The following MSRA variants were observed in gnomAD, a reference collection of about 807,000 sequenced individuals.
The protein encoded by MSRA is methionine sulfoxide reductase A.
MSRA carries 54 observed loss-of-function variants against 31.3 expected under a neutral mutation model. The observed-to-expected ratio is 1.73, with a 90% CI of 1.39 to 2.17. The LOEUF (loss-of-function observed/expected upper bound fraction) is 2.17. Among genes scored for constraint, MSRA ranks in the 30% most tolerant of loss-of-function variants. The pLI, the probability that MSRA is intolerant of heterozygous loss-of-function variation, is 0.00. For missense variants in MSRA, 507 were observed against 300.9 expected, an observed-to-expected ratio of 1.69 and a Z score of -5.07; for synonymous variants, 169 against 116.5, an observed-to-expected ratio of 1.45 and a Z score of -2.90.
chr8:10,179,145 GACA>G (rs1471719982), intron 1 of MSRA, among the ~76,000 whole-genome samples: 3 of 152,148 alleles, frequency 2.0e-5, no homozygotes, highest in South Asian at 4.1e-4. Context: ...CATCCCACAG[GACA>G]ACATTATCTT....
At chr8:10,174,996 T>G (rs900213395) in intron 1 of MSRA, among the ~76,000 whole-genome samples, 1 of 152,150 alleles carries the variant, frequency 6.6e-6, no homozygotes, top group South Asian at 2.1e-4. Context: ...TGAACTTAAT[T>G]CCTATAGCCC....
At chr8:10,156,429 G>A (rs1009138700) in intron 1 of MSRA, among the ~76,000 whole-genome samples, 2 of 151,660 alleles carry the variant, frequency 1.3e-5, no homozygotes, top group African/African-American at 4.9e-5. Context: ...TAAAAGGAAA[G>A]CATGTGTGTG....
At chr8:10,090,933 C>CA (rs1419272429) in intron 1 of MSRA, among the ~76,000 whole-genome samples, 1 of 152,222 alleles carries the variant, frequency 6.6e-6, no homozygotes, top group Non-Finnish European at 1.5e-5. Flanking sequence ...CGTTCATCAG[C>CA]TGCTGAACAT....
intron 5 of MSRA, among the ~76,000 whole-genome samples, chr8:10,335,250 G>GTTTTTTTTTTTTTTTTTTTTT (rs1170264568): frequency 2.5e-5 from 2 of 79,880 alleles, no homozygotes; most frequent in African/African-American, 5.4e-5. Flanking sequence ...TCCCAGCTCT[G>GTTTTTTTTTTTTTTTTTTTTT]TTTTTTTTTT....
At chr8:10,338,406 A>G (rs1327850005) in intron 5 of MSRA, among the ~76,000 whole-genome samples, 1 of 152,130 alleles carries the variant, frequency 6.6e-6, no homozygotes, top group African/African-American at 2.4e-5. Context: ...CACAGGAGGA[A>G]TAGGGTTTGA....
chr8:10,274,488 G>A (rs1469091230), intron 3 of MSRA, among the ~76,000 whole-genome samples: 16 of 152,114 alleles, frequency 1.1e-4, no homozygotes, highest in Admixed American at 1.0e-3. Flanking sequence ...GTCATTTTGC[G>A]GAAGTTCAGC....
chr8:10,282,140 C>T (rs2975641), intron 3 of MSRA, among the ~76,000 whole-genome samples: 55,545 of 151,930 alleles, frequency 0.37, 10,506 homozygotes, highest in Admixed American at 0.43. Context: ...ATTTATAATT[C>T]GTACTAATCA....
At chr8:10,333,814 C>G (rs1351729436) in intron 5 of MSRA, among the ~76,000 whole-genome samples, 2 of 152,072 alleles carry the variant, frequency 1.3e-5, no homozygotes, top group East Asian at 1.9e-4. Flanking sequence ...ACCCCACCCC[C>G]CCCACGCTGA....
At chr8:10,337,459 G>C (rs929797600) in intron 5 of MSRA, 13 of 453,506 alleles carry the variant, frequency 2.9e-5, no homozygotes, top group Non-Finnish European at 3.6e-5. Context: ...GATTACAGGC[G>C]TGAGCCACCA....
chr8:10,279,219 G>C (rs1278570089), intron 3 of MSRA, among the ~76,000 whole-genome samples: 3 of 152,180 alleles, frequency 2.0e-5, no homozygotes, highest in Non-Finnish European at 4.4e-5. Context: ...GATGATTAAA[G>C]CGTGCATTGC....
chr8:10,169,952 G>C lies in MSRA; in HGVS notation c.143-37881G>C, dbSNP rs1186982391. Among the ~76,000 whole-genome samples the C allele has an allele frequency of 8.2e-5, 10 of 121,256 alleles. No individual in the cohort carries two copies. The East Asian group carries it at 2.2e-3, about 26-fold the overall frequency. The allele number at this position is 121,256 out of a possible 152,430, so 79.5% of individuals were successfully genotyped here. ...TTTTTTGAGACGGAGTTTCACTCTTGTCACCCAGGCTAGAGTACAGTGACG... is the reference window on the plus strand; with the variant it reads ...TTTTTTGAGACGGAGTTTCACTCTTCTCACCCAGGCTAGAGTACAGTGACG... On this transcript the variant is annotated intron_variant, in intron 1 of 5. Transcript: ENST00000317173.
At chr8:10,366,976 G>A (rs1012108805) in intron 5 of MSRA, among the ~76,000 whole-genome samples, 1 of 152,144 alleles carries the variant, frequency 6.6e-6, no homozygotes, top group Non-Finnish European at 1.5e-5. Flanking sequence ...CTTATCCGCC[G>A]TTTCGCTTTC....
At chr8:10,080,264 C>A (rs1048077425) in intron 1 of MSRA, among the ~76,000 whole-genome samples, 1 of 151,990 alleles carries the variant, frequency 6.6e-6, no homozygotes, top group Non-Finnish European at 1.5e-5. Context: ...ACTTTATCCC[C>A]CTTATTAGTA....
intron 1 of MSRA, among the ~76,000 whole-genome samples, chr8:10,065,970 C>T (rs1797434946): frequency 6.7e-6 from 1 of 149,384 alleles, no homozygotes; most frequent in African/African-American, 2.4e-5. Context: ...GCTGAAACTT[C>T]AATTATATAT....
At chr8:10,250,693 G>A in intron 3 of MSRA, 1 of 546,982 alleles carries the variant, frequency 1.8e-6, no homozygotes, top group South Asian at 2.6e-5. Flanking sequence ...GACCCTCTGG[G>A]GGTGGTGATG....
In MSRA at chr8:10,104,266, A is replaced by G. The variant is rs561488289; in HGVS notation, c.142+49608A>G. 2.6e-5 allele frequency among the ~76,000 whole-genome samples: 4 copies of G among 152,306 alleles called. No individual in the cohort carries two copies. In the East Asian group the frequency reaches 7.7e-4, roughly 29 times the overall value. The stretch of plus-strand genomic sequence containing the variant: ...GTAATGCCACGCCATTCTCCCAAGT[A>G]TTTGTAATGTGAACCCAAAAGTATC... On this transcript the variant is annotated intron_variant, in intron 1 of 5. Transcript: ENST00000317173.
rs933488491 is a variant in MSRA at position 10,164,353 on chromosome 8, G to A, written c.143-43480G>A. ...GGGCTGCGTATCGCCTGGGGCTGTC[G>A]TGTATTTTGGCAGCAGATCCCTTCC... On this transcript the variant is annotated intron_variant, in intron 1 of 5. Coordinates refer to ENST00000317173, the MANE Select transcript of MSRA (RefSeq NM_012331.5). Among the ~76,000 whole-genome samples the A allele has an allele frequency of 4.6e-5, 7 of 152,238 alleles. No homozygotes were observed. In the South Asian group the frequency reaches 8.3e-4, roughly 18 times the overall value.
At chr8:10,079,566 T>C (rs1585102757) in intron 1 of MSRA, among the ~76,000 whole-genome samples, 1 of 152,202 alleles carries the variant, frequency 6.6e-6, no homozygotes, top group African/African-American at 2.4e-5. Flanking sequence ...AGCTCCCTTA[T>C]TAAAACTGAC....
At chr8:10,248,505 G>T (rs1044657891) in intron 3 of MSRA, among the ~76,000 whole-genome samples, 1 of 152,150 alleles carries the variant, frequency 6.6e-6, no homozygotes, top group African/African-American at 2.4e-5. Flanking sequence ...GGAACCATCG[G>T]CTCAAGTTTG....
Sources: gnomAD v4.1 joint callset for allele counts (sites outside exome capture counted in the v4.1 genomes callset) on GRCh38, gnomAD v4.1.1 for gene constraint, MANE v1.5 for transcripts, NCBI Gene and HGNC (gene_info 2026-07-23, HGNC 2026-07-21) for gene names.